The following RPRD2 variants were observed in gnomAD, a reference collection of about 807,000 sequenced individuals.
RPRD2 encodes the protein regulation of nuclear pre-mRNA domain containing 2, also known as regulation of nuclear pre-mRNA domain-containing protein 2.
Under a neutral mutation model 104.4 loss-of-function variants are expected in RPRD2, and 12 were observed. That is an observed-to-expected ratio of 0.11 (90% CI 0.07 to 0.19). RPRD2 has a LOEUF of 0.19. RPRD2 is among the 10% of genes least tolerant of loss of function. The probability of loss-of-function intolerance (pLI) is 1.00; values close to 1 mark genes in which losing one functional copy is unlikely to be tolerated. For synonymous variants in RPRD2, 714 were observed against 684.9 expected (o/e 1.04, Z -0.66); for missense variants, 1,543 against 1,790.1 (o/e 0.86, Z 2.49).
chr1:150,446,209 T>G lies in RPRD2; in HGVS notation c.695-17T>G. On this transcript the variant is annotated splice_polypyrimidine_tract_variant and intron_variant, in intron 6 of 10. Transcript: ENST00000369068. ...TTTTATTTTATCCTGAAATGAATATTTCCCATGTCATTTTAGATAAAACAG... is the reference window on the plus strand; with the variant it reads ...TTTTATTTTATCCTGAAATGAATATGTCCCATGTCATTTTAGATAAAACAG... The G allele has an allele frequency of 6.6e-7, 1 of 1,507,402 alleles. No individual in the cohort carries two copies. Among genetic ancestry groups the G allele is most frequent in the Non-Finnish European group, 8.9e-7 (1 of 1,126,874 alleles). The allele number at this position is 1,507,402 out of a possible 1,614,324, so 93.4% of individuals were successfully genotyped here.
chr1:150,458,207 CA>C (rs1553898074), intron 8 of RPRD2, among the ~76,000 whole-genome samples: 1 of 152,164 alleles, frequency 6.6e-6, no homozygotes, highest in African/African-American at 2.4e-5. Flanking sequence ...GTAATCTCAG[CA>C]CTTTGTGAGG....
At chr1:150,443,399 A>T in intron 5 of RPRD2, 116 bp downstream of exon 5, 3 of 736,644 alleles carry the variant, frequency 4.1e-6, no homozygotes, top group Non-Finnish European at 6.5e-6. Flanking sequence ...CATGTTTTAA[A>T]CATGCATGAA....
intron 6 of RPRD2, 58 bp downstream of exon 6, chr1:150,444,435 C>G (rs781515697): frequency 5.8e-6 from 9 of 1,564,886 alleles, no homozygotes; most frequent in Non-Finnish European, 7.8e-6. Context: ...TGTCATTTTT[C>G]CAGTAATCAT....
intron 2 of RPRD2, among the ~76,000 whole-genome samples, chr1:150,424,950 G>A (rs1572446421): frequency 1.3e-5 from 2 of 152,096 alleles, no homozygotes; most frequent in East Asian, 1.9e-4. Context: ...TAGTTTCCCG[G>A]TTTGTGTTAC....
At chr1:150,437,568 A>G (rs1201329298) in intron 2 of RPRD2, among the ~76,000 whole-genome samples, 1 of 152,096 alleles carries the variant, frequency 6.6e-6, no homozygotes, top group Admixed American at 6.5e-5. Context: ...TGTAAATGTA[A>G]CTTTTTAAAA....
chr1:150,370,201 C>T (rs6702509), intron 1 of RPRD2, among the ~76,000 whole-genome samples: 1 of 152,162 alleles, frequency 6.6e-6, no homozygotes, highest in Non-Finnish European at 1.5e-5. Flanking sequence ...CGTGAACCAC[C>T]AGGCCCAGAC....
intron 1 of RPRD2, among the ~76,000 whole-genome samples, chr1:150,412,798 C>T (rs587703664): frequency 4.6e-5 from 7 of 152,066 alleles, no homozygotes; most frequent in Middle Eastern, 3.4e-3. Flanking sequence ...AAAATAGAAA[C>T]GGGGATTGAT....
chr1:150,464,640 A>G lies in RPRD2; in HGVS notation c.1525A>G (p.Asn509Asp). The G allele has an allele frequency of 1.2e-6, 2 of 1,612,704 alleles. No individual in the cohort carries two copies. Among genetic ancestry groups the G allele is most frequent in the East Asian group, 4.5e-5 (2 of 44,872 alleles). Residue 509 changes from asparagine to aspartate, a missense_variant, in exon 10 of 11, where the codon AAT becomes GAT. Physicochemically the swap from Asn to Asp is conservative, Grantham distance 23. Coordinates refer to ENST00000369068, the MANE Select transcript of RPRD2 (RefSeq NM_015203.5). ...ATTTSHNPLA[N>D]ILSKVEITPE... ...GACAACATCTCACAACCCTCTGGCA[A>G]ATATCCTCTCCAAGGTGGAGATCAC...
chr1:150,431,254 A>T (rs1303884834), intron 2 of RPRD2, among the ~76,000 whole-genome samples: 1 of 152,086 alleles, frequency 6.6e-6, no homozygotes, highest in Non-Finnish European at 1.5e-5. Flanking sequence ...CAAAAATTAA[A>T]CATAGAATTA....
Position 150,472,399 on chromosome 1 carries a change from C to T in RPRD2, c.3451C>T (p.Leu1151Phe). ...GPSSASELAS[L>F]GGGGSGGLTG... is the part of the protein sequence containing the mutation. The stretch of plus-strand genomic sequence containing the variant: ...TTCAAGTGCCTCTGAGTTGGCATCC[C>T]TTGGGGGTGGGGGCAGCGGAGGCCT... The change falls in exon 11 of 11, where the codon CTT becomes TTT. Residue 1151 changes from leucine to phenylalanine, a missense_variant. Transcript: ENST00000369068. 1 of 1,613,978 alleles carries T rather than the reference C, an allele frequency of 6.2e-7. No homozygotes were observed. Among genetic ancestry groups the T allele is most frequent in the Non-Finnish European group, 8.5e-7 (1 of 1,179,872 alleles).
intron 2 of RPRD2, among the ~76,000 whole-genome samples, chr1:150,435,971 AT>A (rs1361407869): frequency 9.2e-5 from 14 of 152,250 alleles, no homozygotes; most frequent in African/African-American, 3.4e-4. Flanking sequence ...CACTGTTCAT[AT>A]ACAATTCTGA....
chr1:150,471,979 A>G lies in RPRD2; in HGVS notation c.3031A>G (p.Asn1011Asp), dbSNP rs1039921163. ...ISTTSTIEFK[N>D]MLKNASRKPS... ...CACCACGTCGACGATTGAATTTAAG[A>G]ATATGCTTAAAAACGCCTCACGTAA... The change falls in exon 11 of 11, where the codon AAT becomes GAT. Residue 1011 changes from asparagine (N) to aspartate (D), a missense_variant. Transcript: ENST00000369068. The surrounding 1 kb of genome is among the most constrained non-coding windows in gnomAD (Gnocchi z 5.3). 6.2e-7 allele frequency: 1 copy of G among 1,613,912 alleles called. No homozygotes were observed. Among genetic ancestry groups the G allele is most frequent in the Admixed American group, 1.7e-5 (1 of 60,006 alleles).
intron 7 of RPRD2, among the ~76,000 whole-genome samples, chr1:150,451,759 G>C (rs1355352561): frequency 6.6e-6 from 1 of 151,768 alleles, no homozygotes; most frequent in Non-Finnish European, 1.5e-5. Context: ...ACCTTATTTG[G>C]AAATAGGGTC....
At chr1:150,457,651 T>C in intron 8 of RPRD2, 81 bp downstream of exon 8, 25 of 1,172,196 alleles carry the variant, frequency 2.1e-5, no homozygotes, top group Non-Finnish European at 3.0e-5. Flanking sequence ...CAGGCAGGTA[T>C]TGAAAGATAG....
At chr1:150,425,676 T>G (rs2102302511) in intron 2 of RPRD2, among the ~76,000 whole-genome samples, 2 of 152,164 alleles carry the variant, frequency 1.3e-5, no homozygotes, top group East Asian at 3.9e-4. Flanking sequence ...TTTCCTTCCA[T>G]CTTTATTATC....
chr1:150,418,398 T>G (rs1028222837), intron 2 of RPRD2, among the ~76,000 whole-genome samples: 7 of 152,230 alleles, frequency 4.6e-5, no homozygotes. Context: ...CTGTTTTGTT[T>G]GTTTGTTTTA....
In RPRD2 at chr1:150,465,785, G is replaced by T. The variant is rs1435877413; in HGVS notation, c.1612+1058G>T. On this transcript the variant is annotated intron_variant, in intron 10 of 10. Coordinates refer to ENST00000369068, the MANE Select transcript of RPRD2 (RefSeq NM_015203.5). ...TTATTATCAAAAAATATGGCCAGGT[G>T]CAGTTGCTCACGCCTGTAATCCCGG... Among the ~76,000 whole-genome samples, 5 of 152,234 alleles carry T rather than the reference G, an allele frequency of 3.3e-5. No individual in the cohort carries two copies. In the East Asian group the frequency reaches 5.8e-4, roughly 18 times the overall value.
chr1:150,471,515 C>A lies in RPRD2; in HGVS notation c.2567C>A (p.Ser856Tyr), dbSNP rs754192072. The A allele has an allele frequency of 6.2e-7, 1 of 1,613,874 alleles. No homozygotes were observed. Among genetic ancestry groups the A allele is most frequent in the Non-Finnish European group, 8.5e-7 (1 of 1,179,878 alleles). The change falls in exon 11 of 11, where the codon TCT becomes TAT. Residue 856 changes from serine to tyrosine, a missense_variant. Physicochemically the swap from Ser to Tyr is moderately radical, Grantham distance 144 (BLOSUM62 -2). Around this residue, in one of 4 missense-constraint regions of RPRD2, gnomAD observed 880 missense variants for 885.6 expected, o/e 0.99. Coordinates refer to ENST00000369068, the MANE Select transcript of RPRD2 (RefSeq NM_015203.5). This position sits in a 1 kb window ranked among gnomAD's most constrained non-coding sequence, Gnocchi z 5.3. ...MMNLEKKPAK[S>Y]ILKSSKLSDT... Reference sequence around the variant, plus strand: ...AACCTAGAGAAGAAACCAGCCAAATCTATCCTGAAATCAAGCAAGCTGTCT... The same window carrying A: ...AACCTAGAGAAGAAACCAGCCAAATATATCCTGAAATCAAGCAAGCTGTCT...
intron 2 of RPRD2, among the ~76,000 whole-genome samples, chr1:150,428,085 G>A (rs913667522): frequency 7.9e-5 from 12 of 152,056 alleles, no homozygotes; most frequent in East Asian, 1.9e-4. Context: ...GGTACATTAC[G>A]GAAGATATTT....
Sources: allele counts gnomAD v4.1 joint callset (sites outside exome capture counted in the v4.1 genomes callset), GRCh38; gene constraint gnomAD v4.1.1; regional missense constraint gnomAD v4.1.1; non-coding constraint Gnocchi (gnomAD v3.1); transcripts MANE v1.5; gene names NCBI Gene and HGNC (gene_info 2026-07-23, HGNC 2026-07-21).